The following SAMD12 variants were observed in gnomAD, a reference collection of about 807,000 sequenced individuals.
The protein encoded by SAMD12 is sterile alpha motif domain containing 12.
SAMD12 carries 9 observed loss-of-function variants against 15.0 expected under a neutral mutation model. That is an observed-to-expected ratio of 0.60 (90% CI 0.36 to 1.05). The LOEUF (loss-of-function observed/expected upper bound fraction) is 1.05, where lower values mean the gene tolerates loss of function less well. SAMD12 is among the 50% of genes least tolerant of loss of function. The probability of loss-of-function intolerance (pLI) is 0.01; values close to 1 mark genes in which losing one functional copy is unlikely to be tolerated. For synonymous variants in SAMD12, 86 were observed against 90.1 expected (o/e 0.96, Z 0.25); for missense variants, 230 against 234.2 (o/e 0.98, Z 0.12).
At chr8:118,367,798 A>G (rs1339543108) in intron 4 of SAMD12, among the ~76,000 whole-genome samples, 1 of 152,200 alleles carries the variant, frequency 6.6e-6, no homozygotes, top group African/African-American at 2.4e-5. Flanking sequence ...AATAATGTGT[A>G]GACATGTCTC....
At chr8:118,502,065 C>A (rs1482771816) in intron 2 of SAMD12, among the ~76,000 whole-genome samples, 3 of 150,208 alleles carry the variant, frequency 2.0e-5, no homozygotes, top group Non-Finnish European at 3.0e-5. Flanking sequence ...TTCAGCAGGG[C>A]TAGGGTGGGG....
Position 118,371,469 on chromosome 8 carries a change from G to C in SAMD12, c.433+8091C>G, listed in dbSNP as rs2515060. 3.8e-3 allele frequency among the ~76,000 whole-genome samples: 583 copies of C among 152,112 alleles called. 6 individuals are homozygous for C. Among genetic ancestry groups the C allele is most frequent in the African/African-American group, 0.013 (552 of 41,514 alleles). On this transcript the variant is annotated intron_variant, in intron 4 of 4. Coordinates refer to the SAMD12 transcript ENST00000409003. ...AGATGGGAAACTCACTTCACAAGCAGAACTCTGAGGATTTGGTCATGGACT... is the reference window on the plus strand; with the variant it reads ...AGATGGGAAACTCACTTCACAAGCACAACTCTGAGGATTTGGTCATGGACT...
chr8:118,500,363 C>A (rs1186465410), intron 2 of SAMD12, among the ~76,000 whole-genome samples: 2 of 149,844 alleles, frequency 1.3e-5, no homozygotes, highest in African/African-American at 4.9e-5. Context: ...TAGGCGTGAG[C>A]CACTGCGCCC....
chr8:118,459,397 C>G (rs531100508), intron 2 of SAMD12, among the ~76,000 whole-genome samples: 1 of 152,290 alleles, frequency 6.6e-6, no homozygotes, highest in African/African-American at 2.4e-5. Flanking sequence ...ATCACATTAA[C>G]TTTGCAGTTC....
At chr8:118,364,077 C>T (rs1203263052) in intron 4 of SAMD12, among the ~76,000 whole-genome samples, 4 of 152,166 alleles carry the variant, frequency 2.6e-5, no homozygotes, top group African/African-American at 4.8e-5. Context: ...GTTTCCAATA[C>T]GAATCCCCGA....
intron 2 of SAMD12, among the ~76,000 whole-genome samples, chr8:118,459,932 T>C (rs1823366348): frequency 6.6e-6 from 1 of 152,132 alleles, no homozygotes; most frequent in Non-Finnish European, 1.5e-5. Flanking sequence ...TGGTGACAAG[T>C]GCCATGGAAG....
chr8:118,308,178 A>T (rs1293400339), intron 4 of SAMD12, among the ~76,000 whole-genome samples: 1 of 152,102 alleles, frequency 6.6e-6, no homozygotes, highest in African/African-American at 2.4e-5. Context: ...AATTCTCCAA[A>T]TCACTCACTC....
chr8:118,270,712 A>G (rs182227344), intron 4 of SAMD12, among the ~76,000 whole-genome samples: 13 of 152,330 alleles, frequency 8.5e-5, no homozygotes, highest in African/African-American at 3.1e-4. Context: ...TACAGGGGAA[A>G]TTAATGACAC....
chr8:118,518,899 A>G (rs943250650), intron 2 of SAMD12, among the ~76,000 whole-genome samples: 5 of 152,222 alleles, frequency 3.3e-5, no homozygotes, highest in Non-Finnish European at 5.9e-5. Flanking sequence ...CACAGCATGC[A>G]TTCAATAAAT....
chr8:118,341,818 T>A (rs1194366261), intron 4 of SAMD12, among the ~76,000 whole-genome samples: 2 of 152,248 alleles, frequency 1.3e-5, no homozygotes, highest in Non-Finnish European at 2.9e-5. Context: ...ATAGTTTAAA[T>A]TTTTAAAACA....
intron 2 of SAMD12, among the ~76,000 whole-genome samples, chr8:118,515,389 T>C (rs1004628850): frequency 2.6e-5 from 4 of 152,012 alleles, no homozygotes; most frequent in Admixed American, 2.0e-4. Context: ...TCTGCCACGA[T>C]TGAAAGTTTC....
At chr8:118,181,447 T>C in the SAMD12 span, among the ~76,000 whole-genome samples, 4 of 152,108 alleles carry the variant, frequency 2.6e-5, no homozygotes, top group African/African-American at 9.7e-5. Flanking sequence ...GGATCCACTT[T>C]CCCCACAACA....
chr8:118,311,113 A>G (rs1053446401), intron 4 of SAMD12, among the ~76,000 whole-genome samples: 2 of 152,260 alleles, frequency 1.3e-5, no homozygotes, highest in African/African-American at 2.4e-5. Flanking sequence ...AGAAAGATTT[A>G]GCAAACTGCT....
chr8:118,300,858 C>T (rs1314010574), intron 4 of SAMD12, among the ~76,000 whole-genome samples: 1 of 152,102 alleles, frequency 6.6e-6, no homozygotes, highest in African/African-American at 2.4e-5. Context: ...TGCATTTAGT[C>T]TACTGAGAAT....
At chr8:118,428,600 A>AT (rs1414580830) in intron 3 of SAMD12, among the ~76,000 whole-genome samples, 1 of 152,086 alleles carries the variant, frequency 6.6e-6, no homozygotes, top group Admixed American at 6.6e-5. Flanking sequence ...TTCAAATTAA[A>AT]TGTTGTGTAT....
At chr8:118,441,839 A>C (rs576745647) in intron 2 of SAMD12, among the ~76,000 whole-genome samples, 1 of 152,234 alleles carries the variant, frequency 6.6e-6, no homozygotes, top group East Asian at 1.9e-4. Context: ...TGCCTGATTC[A>C]CTCTCTGGCA....
At chr8:118,408,157 C>G in intron 3 of SAMD12, among the ~76,000 whole-genome samples, 1 of 152,246 alleles carries the variant, frequency 6.6e-6, no homozygotes, top group South Asian at 2.1e-4. Flanking sequence ...TAACTCCATA[C>G]CAGACTCCCT....
intron 2 of SAMD12, among the ~76,000 whole-genome samples, chr8:118,520,845 C>T (rs1011526012): frequency 6.6e-6 from 1 of 151,846 alleles, no homozygotes; most frequent in Admixed American, 6.6e-5. Context: ...CTCCAATCAG[C>T]CTGAGAGAAA....
chr8:118,304,031 G>T (rs927211431), intron 4 of SAMD12, among the ~76,000 whole-genome samples: 13 of 152,130 alleles, frequency 8.5e-5, no homozygotes, highest in Admixed American at 7.9e-4. Flanking sequence ...ATGGTACCCA[G>T]AAATCGAGCC....
Sources: allele counts gnomAD v4.1 joint callset (sites outside exome capture counted in the v4.1 genomes callset), GRCh38; gene constraint gnomAD v4.1.1; transcripts MANE v1.5; gene names NCBI Gene and HGNC (gene_info 2026-07-23, HGNC 2026-07-21).